UBE2E2: variants seen among roughly 807,000 people sequenced by gnomAD.
UBE2E2 encodes the protein ubiquitin conjugating enzyme E2 E2.
A neutral mutation model predicts 24.7 loss-of-function variants in UBE2E2; 6 were observed. The observed-to-expected ratio is 0.24, with a 90% CI of 0.13 to 0.48. The LOEUF is 0.48. Among genes scored for constraint, UBE2E2 ranks in the 20% least tolerant of loss-of-function variants. UBE2E2 has a pLI of 0.99. For missense variants in UBE2E2, 169 were observed against 245.0 expected (o/e 0.69, Z 2.07); for synonymous variants, 104 against 83.6 (o/e 1.24, Z -1.33).
chr3:23,308,891 C>G (rs1260000671), intron 3 of UBE2E2, among the ~76,000 whole-genome samples: 1 of 152,154 alleles, frequency 6.6e-6, no homozygotes, highest in East Asian at 1.9e-4. Flanking sequence ...GACCTGAAAT[C>G]CCCCAAGAGG....
intron 3 of UBE2E2, among the ~76,000 whole-genome samples, chr3:23,270,786 T>C (rs1214002336): frequency 6.6e-6 from 1 of 152,252 alleles, no homozygotes; most frequent in African/African-American, 2.4e-5. Context: ...CTAGTTACAA[T>C]GTTTAACAGT....
intron 3 of UBE2E2, among the ~76,000 whole-genome samples, chr3:23,288,708 C>T (rs1698682322): frequency 6.6e-6 from 1 of 151,898 alleles, no homozygotes; most frequent in Admixed American, 6.6e-5. Flanking sequence ...TCTATTTTGT[C>T]TGTATAGCTG....
intron 5 of UBE2E2, among the ~76,000 whole-genome samples, chr3:23,581,914 C>G (rs1696486378): frequency 6.6e-6 from 1 of 152,032 alleles, no homozygotes; most frequent in African/African-American, 2.4e-5. Context: ...CCCTTTTAGT[C>G]TGGATTTTTT....
intron 5 of UBE2E2, among the ~76,000 whole-genome samples, chr3:23,574,016 T>C (rs959619229): frequency 9.2e-5 from 14 of 152,188 alleles, no homozygotes; most frequent in Admixed American, 9.2e-4. Context: ...GTGGTACATA[T>C]ATGCAATGGA....
At chr3:23,492,911 A>G (rs180903781) in intron 3 of UBE2E2, among the ~76,000 whole-genome samples, 78 of 152,208 alleles carry the variant, frequency 5.1e-4, no homozygotes, top group Admixed American at 1.2e-3. Context: ...ATTTTAATAC[A>G]TTTTTAGCCC....
At chr3:23,394,561 A>G (rs946704790) in intron 3 of UBE2E2, among the ~76,000 whole-genome samples, 2 of 152,210 alleles carry the variant, frequency 1.3e-5, no homozygotes, top group African/African-American at 2.4e-5. Flanking sequence ...GTTTGATGGC[A>G]GTGAGGACTT....
At chr3:23,361,988 G>A (rs1473802063) in intron 3 of UBE2E2, among the ~76,000 whole-genome samples, 4 of 152,030 alleles carry the variant, frequency 2.6e-5, no homozygotes, top group Non-Finnish European at 5.9e-5. Flanking sequence ...CATAAATAGT[G>A]GGTACATATC....
chr3:23,315,675 A>G (rs895074812), intron 3 of UBE2E2, among the ~76,000 whole-genome samples: 36 of 152,034 alleles, frequency 2.4e-4, no homozygotes, highest in Admixed American at 1.4e-3. Flanking sequence ...GTGGATGCTC[A>G]TTGGTTTTGG....
At chr3:23,272,930 C>T (rs1698285419) in intron 3 of UBE2E2, among the ~76,000 whole-genome samples, 1 of 152,082 alleles carries the variant, frequency 6.6e-6, no homozygotes, top group Non-Finnish European at 1.5e-5. Flanking sequence ...CCATTTCAAG[C>T]AGTCAGACAA....
At chr3:23,220,799 C>T (rs17012834) in intron 3 of UBE2E2, among the ~76,000 whole-genome samples, 4,370 of 152,216 alleles carry the variant, frequency 0.029, 109 homozygotes, top group East Asian at 0.13. Flanking sequence ...GATTCACTGC[C>T]CCTTATAAAT....
rs544229074 is a variant in UBE2E2, at chr3:23,407,074, T to C, written c.228-92534T>C. ...TCCCTTCCCCAGTTCCCCAAGTATT[T>C]TGGAGACAAATTTTTCTTCAGCTTC... On this transcript the variant is annotated intron_variant, in intron 3 of 5. Coordinates refer to ENST00000396703, the MANE Select transcript of UBE2E2 (RefSeq NM_152653.4). This position sits in a 1 kb window ranked among gnomAD's most constrained non-coding sequence, Gnocchi z 4.0. 9.2e-5 allele frequency among the ~76,000 whole-genome samples: 14 copies of C among 152,324 alleles called. No homozygotes were observed. In the East Asian group the frequency reaches 2.7e-3, roughly 29 times the overall value.
At chr3:23,516,285 A>G (rs754059689) in intron 4 of UBE2E2, among the ~76,000 whole-genome samples, 23 of 152,264 alleles carry the variant, frequency 1.5e-4, no homozygotes, top group Non-Finnish European at 1.3e-4. Flanking sequence ...AAAATATTCA[A>G]AGCACCTTCT....
chr3:23,385,807 T>A (rs1559368804), intron 3 of UBE2E2, among the ~76,000 whole-genome samples: 1 of 152,184 alleles, frequency 6.6e-6, no homozygotes, highest in Non-Finnish European at 1.5e-5. Context: ...GCACATTACA[T>A]CTGTATGCTG....
intron 3 of UBE2E2, among the ~76,000 whole-genome samples, chr3:23,364,815 A>C (rs535472594): frequency 1.3e-5 from 2 of 152,198 alleles, no homozygotes; most frequent in African/African-American, 4.8e-5. Flanking sequence ...CAGAGACACA[A>C]CAAAAAAGAA....
At chr3:23,489,318 A>G (rs1000151633) in intron 3 of UBE2E2, among the ~76,000 whole-genome samples, 2 of 152,050 alleles carry the variant, frequency 1.3e-5, no homozygotes, top group African/African-American at 4.8e-5. Flanking sequence ...GTTTTTCTGC[A>G]TCTAGGTGGT....
intron 3 of UBE2E2, among the ~76,000 whole-genome samples, chr3:23,400,607 A>AACACACACACACACACACAC (rs3087043): frequency 2.8e-4 from 39 of 137,836 alleles, no homozygotes; most frequent in East Asian, 2.4e-3. Flanking sequence ...GAATAAATGA[A>AACACACACACACACACACAC]ACACACACAC....
chr3:23,477,358 T>C (rs1699161889), intron 3 of UBE2E2, among the ~76,000 whole-genome samples: 1 of 152,340 alleles, frequency 6.6e-6, no homozygotes, highest in East Asian at 1.9e-4. Flanking sequence ...CACATTTAGC[T>C]GTGTTTTAGG....
chr3:23,342,762 T>A (rs1241580367), intron 3 of UBE2E2, among the ~76,000 whole-genome samples: 1 of 152,174 alleles, frequency 6.6e-6, no homozygotes, highest in Non-Finnish European at 1.5e-5. Context: ...GTTGATCAGG[T>A]GAATTTGATA....
chr3:23,277,297 T>C (rs1698393574), intron 3 of UBE2E2, among the ~76,000 whole-genome samples: 1 of 152,150 alleles, frequency 6.6e-6, no homozygotes, highest in East Asian at 1.9e-4. Flanking sequence ...CTTAAATCCA[T>C]GCTGACTTAT....
Sources: allele counts gnomAD v4.1 joint callset (sites outside exome capture counted in the v4.1 genomes callset), GRCh38; gene constraint gnomAD v4.1.1; non-coding constraint Gnocchi (gnomAD v3.1); transcripts MANE v1.5; gene names NCBI Gene and HGNC (gene_info 2026-07-23, HGNC 2026-07-21).